Variants in OPCML observed in about 807,000 individuals in gnomAD.
The protein encoded by OPCML is opioid binding protein/cell adhesion molecule like.
OPCML carries 13 observed loss-of-function variants against 37.8 expected under a neutral mutation model. The observed-to-expected ratio is 0.34, with a 90% CI of 0.22 to 0.55. The LOEUF (loss-of-function observed/expected upper bound fraction) is 0.55, where lower values mean the gene tolerates loss of function less well. Among genes scored for constraint, OPCML ranks in the 20% least tolerant of loss-of-function variants. The pLI is 0.91. For missense variants in OPCML, 341 were observed against 435.6 expected (o/e 0.78, Z 1.93); for synonymous variants, 176 against 168.8 (o/e 1.04, Z -0.33).
intron 1 of OPCML, among the ~76,000 whole-genome samples, chr11:132,994,135 T>A (rs1376573120): frequency 6.6e-6 from 1 of 152,214 alleles, no homozygotes; most frequent in Non-Finnish European, 1.5e-5. Context: ...CCAGAAATTA[T>A]TTATAGCCAG....
chr11:132,776,225 C>T (rs773622287), intron 2 of OPCML, among the ~76,000 whole-genome samples: 1 of 152,212 alleles, frequency 6.6e-6, no homozygotes, highest in Admixed American at 6.5e-5. Flanking sequence ...TCACCGCGCC[C>T]AGCTGCATCC....
intron 3 of OPCML, among the ~76,000 whole-genome samples, chr11:132,588,375 C>T (rs192874703): frequency 1.3e-5 from 2 of 152,260 alleles, no homozygotes; most frequent in Admixed American, 1.3e-4. Context: ...GAGATGCTGG[C>T]TGAGATGGGG....
intron 1 of OPCML, among the ~76,000 whole-genome samples, chr11:133,247,728 A>C (rs1940991054): frequency 6.6e-6 from 1 of 151,784 alleles, no homozygotes; most frequent in Non-Finnish European, 1.5e-5. Flanking sequence ...CTCAGCCTCC[A>C]AGTAGCTGGG....
intron 2 of OPCML, among the ~76,000 whole-genome samples, chr11:132,863,437 C>T (rs1168088508): frequency 6.6e-6 from 1 of 152,136 alleles, no homozygotes; most frequent in African/African-American, 2.4e-5. Flanking sequence ...TGCTGGGTCT[C>T]AGCAAACAAT....
chr11:132,531,756 G>GT (rs11456087), intron 3 of OPCML, among the ~76,000 whole-genome samples: 58,680 of 146,722 alleles, frequency 0.4, 12,827 homozygotes, highest in African/African-American at 0.59. Flanking sequence ...TGTTCTACCC[G>GT]TTTTTTTTTT....
chr11:132,904,183 G>T (rs1944156452), intron 2 of OPCML, among the ~76,000 whole-genome samples: 1 of 152,116 alleles, frequency 6.6e-6, no homozygotes, highest in African/African-American at 2.4e-5. Flanking sequence ...GAGCTTATTG[G>T]TTGTCAATCT....
At chr11:133,147,136 C>T (rs952463521) in intron 1 of OPCML, among the ~76,000 whole-genome samples, 2 of 152,206 alleles carry the variant, frequency 1.3e-5, no homozygotes, top group African/African-American at 4.8e-5. Context: ...CCTCTGATCA[C>T]TTCAACTTTA....
chr11:132,510,253 TA>T (rs1293026178), intron 4 of OPCML, among the ~76,000 whole-genome samples: 2 of 152,178 alleles, frequency 1.3e-5, no homozygotes, highest in Non-Finnish European at 2.9e-5. Flanking sequence ...AGGAAGTAAC[TA>T]GCTTGCTTTT....
chr11:133,495,918 A>T (rs1947776560), intron 1 of OPCML, among the ~76,000 whole-genome samples: 1 of 151,950 alleles, frequency 6.6e-6, no homozygotes, highest in Non-Finnish European at 1.5e-5. Flanking sequence ...GGTCCCAGCT[A>T]TTTATCATTG....
At chr11:132,645,011 C>A (rs904657427) in intron 3 of OPCML, among the ~76,000 whole-genome samples, 2 of 152,222 alleles carry the variant, frequency 1.3e-5, no homozygotes, top group Non-Finnish European at 2.9e-5. Context: ...ACTGGCCAAT[C>A]GGAGCACATA....
intron 1 of OPCML, among the ~76,000 whole-genome samples, chr11:133,474,397 C>T (rs780312176): frequency 3.4e-4 from 52 of 152,208 alleles, no homozygotes; most frequent in Non-Finnish European, 1.0e-4. Context: ...GAATGCCATT[C>T]ATTTATGAAT....
chr11:132,784,040 T>A (rs920750280), intron 2 of OPCML, among the ~76,000 whole-genome samples: 1 of 152,104 alleles, frequency 6.6e-6, no homozygotes, highest in Non-Finnish European at 1.5e-5. Flanking sequence ...TACAATAGTA[T>A]CCTAAATATA....
At chr11:133,140,572 A>AGAAGAAGAAGAAGAAGAAGAAG (rs1565467437) in intron 1 of OPCML, among the ~76,000 whole-genome samples, 1 of 147,892 alleles carries the variant, frequency 6.8e-6, no homozygotes, top group African/African-American at 2.5e-5. Flanking sequence ...AAGAAGAAGA[A>AGAAGAAGAAGAAGAAGAAGAAG]GAAGAAAGAA....
intron 1 of OPCML, among the ~76,000 whole-genome samples, chr11:133,416,637 C>T (rs1945772892): frequency 1.3e-5 from 2 of 152,196 alleles, no homozygotes; most frequent in Admixed American, 1.3e-4. Flanking sequence ...TCTCTTCTAC[C>T]TACACCTCTT....
At chr11:133,291,669 T>C (rs1001738300) in intron 1 of OPCML, among the ~76,000 whole-genome samples, 14 of 152,236 alleles carry the variant, frequency 9.2e-5, no homozygotes, top group African/African-American at 3.4e-4. Context: ...TCACACAGGC[T>C]TATAGCCCTG....
intron 1 of OPCML, among the ~76,000 whole-genome samples, chr11:133,499,437 C>T (rs4937782): frequency 0.39 from 58,719 of 152,008 alleles, 14,854 homozygotes; most frequent in African/African-American, 0.72. Context: ...AGTGTATATG[C>T]TAATGATCCC....
At chr11:132,437,103 G>A in intron 5 of OPCML, 119 bp downstream of exon 5, 1 of 1,465,278 alleles carries the variant, frequency 6.8e-7, no homozygotes, top group Non-Finnish European at 9.2e-7. Context: ...ATCTGATGAA[G>A]TATTTTCCTG....
chr11:132,721,283 G>A (rs1011266744), intron 2 of OPCML, among the ~76,000 whole-genome samples: 3 of 152,218 alleles, frequency 2.0e-5, no homozygotes, highest in Non-Finnish European at 4.4e-5. Context: ...GCTGAGGGGA[G>A]TTGGGAAACT....
intron 3 of OPCML, among the ~76,000 whole-genome samples, chr11:132,647,069 A>C (rs1941188116): frequency 6.6e-6 from 1 of 152,254 alleles, no homozygotes; most frequent in Admixed American, 6.5e-5. Flanking sequence ...TGTGTATTGT[A>C]AATGACCTGG....
Sources: allele counts gnomAD v4.1 joint callset (sites outside exome capture counted in the v4.1 genomes callset), GRCh38; gene constraint gnomAD v4.1.1; transcripts MANE v1.5; gene names NCBI Gene and HGNC (gene_info 2026-07-23, HGNC 2026-07-21).